USO1: variants seen among roughly 807,000 people sequenced by gnomAD.
USO1 encodes general vesicular transport factor p115.
Under a neutral mutation model 124.5 loss-of-function variants are expected in USO1, and 57 were observed. The ratio of observed to expected loss-of-function variants is 0.46; its 90% CI spans 0.37 to 0.57. USO1 has a LOEUF of 0.57. Ranked by LOEUF, USO1 falls within the 20% of genes least tolerant of loss-of-function variation. The pLI is 0.00. For synonymous variants in USO1, 369 were observed against 362.8 expected (o/e 1.02, Z -0.19); for missense variants, 900 against 1,040.6 (o/e 0.86, Z 1.86).
At chr4:75,744,505 C>T (rs1383676748) in intron 1 of USO1, among the ~76,000 whole-genome samples, 1 of 152,108 alleles carries the variant, frequency 6.6e-6, no homozygotes, top group Admixed American at 6.5e-5. Flanking sequence ...CTGCAACCTC[C>T]GCCTCTCAGG....
chr4:75,734,323 G>T (rs1344634331), intron 1 of USO1, among the ~76,000 whole-genome samples: 1 of 152,066 alleles, frequency 6.6e-6, no homozygotes, highest in African/African-American at 2.4e-5. Context: ...TATGGTAAAA[G>T]GTAAGGGCCC....
chr4:75,724,621 C>G lies in USO1; in HGVS notation c.-199C>G. 1 of 583,150 alleles carries G rather than the reference C, an allele frequency of 1.7e-6. No individual in the cohort carries two copies. Among genetic ancestry groups the G allele is most frequent in the South Asian group, 2.1e-5 (1 of 48,670 alleles). The allele number at this position is 583,150 out of a possible 1,614,324, so 36.1% of individuals were successfully genotyped here. ...CGAGCCGCCACGTAATGCCACGTCC[C>G]CGCGCATGCGCATCTTGGCCGCTGC... On this transcript the variant is annotated 5_prime_UTR_variant, in exon 1 of 24. Transcript: ENST00000514213.
At chr4:75,812,440 T>A in intron 23 of USO1, 65 bp downstream of exon 23, 1 of 1,506,252 alleles carries the variant, frequency 6.6e-7, no homozygotes, top group Non-Finnish European at 8.8e-7. Flanking sequence ...TTAAAAGATT[T>A]TTAATGTAAC....
At chr4:75,751,097 G>T (rs1721286612) in intron 1 of USO1, among the ~76,000 whole-genome samples, 2 of 151,662 alleles carry the variant, frequency 1.3e-5, no homozygotes, top group South Asian at 2.1e-4. Flanking sequence ...TCTCATATTG[G>T]ATAGTTAAGT....
intron 8 of USO1, among the ~76,000 whole-genome samples, chr4:75,777,885 A>G (rs1211674277): frequency 6.6e-6 from 1 of 152,228 alleles, no homozygotes; most frequent in East Asian, 1.9e-4. Flanking sequence ...CTGCACATGA[A>G]TATTAAAACA....
At chr4:75,812,101 A>G in intron 22 of USO1, 59 bp from the exon 23 acceptor site, 3 of 1,541,248 alleles carry the variant, frequency 1.9e-6, no homozygotes, top group Non-Finnish European at 8.7e-7. Flanking sequence ...TATTTGTTAA[A>G]AACTCTAGGA....
chr4:75,760,092 A>AT (rs1347087267), intron 4 of USO1, among the ~76,000 whole-genome samples: 1 of 151,960 alleles, frequency 6.6e-6, no homozygotes, highest in Non-Finnish European at 1.5e-5. Flanking sequence ...CACACCTGTA[A>AT]TCCCAGCTAC....
intron 17 of USO1, 45 bp downstream of exon 17, chr4:75,801,245 A>G: frequency 6.7e-7 from 1 of 1,486,564 alleles, no homozygotes; most frequent in Non-Finnish European, 8.9e-7. Flanking sequence ...ACCAATAGGC[A>G]CTTTCTGCTT....
chr4:75,728,739 T>A (rs1243227499), intron 1 of USO1, among the ~76,000 whole-genome samples: 2 of 152,246 alleles, frequency 1.3e-5, no homozygotes, highest in African/African-American at 4.8e-5. Context: ...TATTTTAAAT[T>A]CAGAATTTCA....
intron 9 of USO1, among the ~76,000 whole-genome samples, chr4:75,785,947 A>G (rs1224263369): frequency 1.3e-5 from 2 of 152,160 alleles, no homozygotes; most frequent in African/African-American, 2.4e-5. Context: ...ACAGGAACCA[A>G]TGTAATCCTG....
intron 10 of USO1, among the ~76,000 whole-genome samples, chr4:75,788,182 T>G (rs879825574): frequency 7.4e-5 from 11 of 149,536 alleles, no homozygotes; most frequent in Non-Finnish European, 1.6e-4. Context: ...TTTTTTTTTT[T>G]TTTTGTACAG....
intron 1 of USO1, among the ~76,000 whole-genome samples, chr4:75,735,179 G>C (rs920361219): frequency 5.3e-5 from 8 of 152,138 alleles, no homozygotes; most frequent in African/African-American, 1.2e-4. Context: ...GGGTGTGTGT[G>C]TGTGTCTGTC....
chr4:75,774,459 TAGA>T (rs1321567805), intron 7 of USO1, among the ~76,000 whole-genome samples: 1 of 152,214 alleles, frequency 6.6e-6, no homozygotes, highest in Non-Finnish European at 1.5e-5. Context: ...TAGGAATTGT[TAGA>T]AGAGGATTCT....
chr4:75,807,053 G>A (rs1266788798), intron 20 of USO1, among the ~76,000 whole-genome samples: 1 of 152,026 alleles, frequency 6.6e-6, no homozygotes, highest in Non-Finnish European at 1.5e-5. Flanking sequence ...AACTTTTTCT[G>A]TGGTAATTTA....
chr4:75,731,580 C>G (rs1720633485), intron 1 of USO1, among the ~76,000 whole-genome samples: 1 of 151,258 alleles, frequency 6.6e-6, no homozygotes, highest in Non-Finnish European at 1.5e-5. Context: ...AAAAAAATGA[C>G]TTTTGTAATC....
intron 1 of USO1, among the ~76,000 whole-genome samples, chr4:75,750,404 C>T (rs1721269113): frequency 6.6e-6 from 1 of 150,802 alleles, no homozygotes; most frequent in East Asian, 2.0e-4. Flanking sequence ...CACCACTGCA[C>T]TTCAACCTAG....
Position 75,790,643 on chromosome 4 carries a change from A to G in USO1, c.1086A>G (p.Arg362=). 1 of 1,602,864 alleles carries G rather than the reference A, an allele frequency of 6.2e-7. No homozygotes were observed. The highest frequency in any genetic ancestry group is 8.5e-7 in the Non-Finnish European group (1 of 1,176,850). The change falls in exon 12 of 24, where the codon AGA becomes AGG. Residue 362 remains arginine, a splice_region_variant and synonymous_variant. Transcript: ENST00000514213. ...GTTCTTTTCTTTTTAAATGCAACAG[A>G]CCGGCAATTGTAGTACTTCTCATGT... ...ASVNAPSNPP[R]PAIVVLLMSM... is the part of the protein sequence containing the mutation.
chr4:75,804,307 C>G (rs1722934209), intron 18 of USO1, 35 bp downstream of exon 18: 3 of 1,587,610 alleles, frequency 1.9e-6, no homozygotes, highest in Non-Finnish European at 1.7e-6. Context: ...TGATAGCACT[C>G]AGGTCATTCT....
intron 8 of USO1, among the ~76,000 whole-genome samples, chr4:75,780,784 A>T (rs1263279756): frequency 6.7e-6 from 1 of 148,782 alleles, no homozygotes; most frequent in Non-Finnish European, 1.5e-5. Context: ...AGTAGCTGGG[A>T]TTACAGGTAT....
Sources: gnomAD v4.1 joint callset for allele counts (sites outside exome capture counted in the v4.1 genomes callset) on GRCh38, gnomAD v4.1.1 for gene constraint, MANE v1.5 for transcripts, NCBI Gene and HGNC (gene_info 2026-07-23, HGNC 2026-07-21) for gene names.